The following NXPE2 variants were observed in gnomAD, a reference collection of about 807,000 sequenced individuals.
NXPE2 encodes the protein NXPE family member 2.
Under a neutral mutation model 34.4 loss-of-function variants are expected in NXPE2, and 34 were observed. The ratio of observed to expected loss-of-function variants is 0.99; its 90% CI spans 0.75 to 1.31. The LOEUF (loss-of-function observed/expected upper bound fraction) is 1.31. Ranked by LOEUF, NXPE2 falls within the 40% of genes most tolerant of loss-of-function variation. NXPE2 has a pLI of 0.00. For synonymous variants in NXPE2, 235 were observed against 231.3 expected, an observed-to-expected ratio of 1.02 and a Z score of -0.15; for missense variants, 649 against 672.5, an observed-to-expected ratio of 0.97 and a Z score of 0.39.
chr11:114,702,433 G>A (rs1340427960), intron 3 of NXPE2, among the ~76,000 whole-genome samples: 1 of 152,132 alleles, frequency 6.6e-6, no homozygotes, highest in Non-Finnish European at 1.5e-5. Context: ...GAGAATAGAG[G>A]TTTGGTCAGA....
chr11:114,793,162 C>T, the NXPE2 span, among the ~76,000 whole-genome samples: 1 of 152,190 alleles, frequency 6.6e-6, no homozygotes, highest in Non-Finnish European at 1.5e-5. Flanking sequence ...GCATGTTTCT[C>T]TTGAAATTTG....
chr11:114,618,283 C>T, the NXPE2 span, among the ~76,000 whole-genome samples: 5 of 151,952 alleles, frequency 3.3e-5, no homozygotes, highest in South Asian at 2.1e-4. Flanking sequence ...TAAGTATTAC[C>T]GCATGGGTAA....
the NXPE2 span, among the ~76,000 whole-genome samples, chr11:114,723,734 C>G: frequency 1.3e-5 from 2 of 152,064 alleles, no homozygotes; most frequent in Non-Finnish European, 2.9e-5. Context: ...GGGTGGGTGT[C>G]ACAAAAATGA....
the NXPE2 span, among the ~76,000 whole-genome samples, chr11:114,496,931 C>G: frequency 6.6e-6 from 1 of 152,038 alleles, no homozygotes; most frequent in African/African-American, 2.4e-5. Flanking sequence ...ATAACATACA[C>G]AATTATGTAT....
the NXPE2 span, among the ~76,000 whole-genome samples, chr11:114,747,056 T>C: frequency 6.6e-6 from 1 of 152,196 alleles, no homozygotes; most frequent in African/African-American, 2.4e-5. Flanking sequence ...ATGTCACTCT[T>C]AGACCTCTTC....
At chr11:114,757,611 A>G in the NXPE2 span, among the ~76,000 whole-genome samples, 1 of 152,226 alleles carries the variant, frequency 6.6e-6, no homozygotes, top group African/African-American at 2.4e-5. Context: ...GCCTTGTTCT[A>G]TAGCAATAAC....
At chr11:114,809,170 A>G in the NXPE2 span, among the ~76,000 whole-genome samples, 2 of 152,050 alleles carry the variant, frequency 1.3e-5, no homozygotes, top group Admixed American at 1.3e-4. Context: ...CTCTCAATAA[A>G]TTAGGTATTG....
the NXPE2 span, among the ~76,000 whole-genome samples, chr11:114,797,502 A>G: frequency 2.0e-5 from 3 of 152,162 alleles, no homozygotes; most frequent in African/African-American, 4.8e-5. Context: ...CTCAGTTCAC[A>G]GCAGGCATTT....
chr11:114,777,022 C>T, the NXPE2 span, among the ~76,000 whole-genome samples: 347 of 152,260 alleles, frequency 2.3e-3, 6 homozygotes, highest in Admixed American at 0.02. Flanking sequence ...TAATTATGTA[C>T]GAATGGGCTG....
At chr11:114,530,036 G>A in the NXPE2 span, 2 of 835,194 alleles carry the variant, frequency 2.4e-6, no homozygotes, top group Non-Finnish European at 3.7e-6. Context: ...GGTGAGTAGA[G>A]GCCCCAAGAA....
At chr11:114,779,245 CTCTT>C in the NXPE2 span, among the ~76,000 whole-genome samples, 1 of 147,594 alleles carries the variant, frequency 6.8e-6, no homozygotes. Context: ...CAGAATAAAA[CTCTT>C]TCTGATAATG....
chr11:114,692,151 C>T (rs1314104246), intron 2 of NXPE2, among the ~76,000 whole-genome samples: 1 of 152,222 alleles, frequency 6.6e-6, no homozygotes. Context: ...CCTAAAATGT[C>T]TGCTGTGGTC....
the NXPE2 span, among the ~76,000 whole-genome samples, chr11:114,788,083 G>A: frequency 1.3e-5 from 2 of 152,054 alleles, no homozygotes; most frequent in Non-Finnish European, 2.9e-5. Context: ...CTGGAGTATC[G>A]AGCAATTTAT....
At chr11:114,577,128 T>C in the NXPE2 span, among the ~76,000 whole-genome samples, 2 of 142,062 alleles carry the variant, frequency 1.4e-5, no homozygotes, top group Non-Finnish European at 3.0e-5. Context: ...TATATAAAGT[T>C]ATATATATAT....
At chr11:114,634,364 C>A in the NXPE2 span, among the ~76,000 whole-genome samples, 8 of 151,930 alleles carry the variant, frequency 5.3e-5, no homozygotes, top group Non-Finnish European at 7.4e-5. Flanking sequence ...TGGATATTAG[C>A]CCTTTGTCAG....
the NXPE2 span, among the ~76,000 whole-genome samples, chr11:114,744,961 G>A: frequency 6.6e-6 from 1 of 152,078 alleles, no homozygotes; most frequent in African/African-American, 2.4e-5. Flanking sequence ...ATATACATTA[G>A]CAGTTAATAC....
chr11:114,544,412 A>G, the NXPE2 span, among the ~76,000 whole-genome samples: 1 of 152,236 alleles, frequency 6.6e-6, no homozygotes, highest in African/African-American at 2.4e-5. Context: ...TAGAAAGCCA[A>G]TAAACAAATG....
the NXPE2 span, among the ~76,000 whole-genome samples, chr11:114,517,589 A>C: frequency 6.6e-6 from 1 of 152,204 alleles, no homozygotes; most frequent in African/African-American, 2.4e-5. Context: ...TATTTGACAA[A>C]TATTTATTGC....
chr11:114,535,346 A>G, the NXPE2 span, among the ~76,000 whole-genome samples: 16 of 152,360 alleles, frequency 1.1e-4, no homozygotes, highest in East Asian at 1.3e-3. Flanking sequence ...TGTAAAGAAT[A>G]TCAAGGCTAG....
Sources: allele counts gnomAD v4.1 joint callset (sites outside exome capture counted in the v4.1 genomes callset), GRCh38; gene constraint gnomAD v4.1.1; transcripts MANE v1.5; gene names NCBI Gene and HGNC (gene_info 2026-07-23, HGNC 2026-07-21).